PSTPIP1: variants seen among roughly 807,000 people sequenced by gnomAD.
The protein encoded by PSTPIP1 is proline-serine-threonine phosphatase-interacting protein 1.
Under a neutral mutation model 69.6 loss-of-function variants are expected in PSTPIP1, and 66 were observed. That is an observed-to-expected ratio of 0.95 (90% CI 0.78 to 1.16). PSTPIP1 has a LOEUF of 1.16. Ranked by LOEUF, PSTPIP1 falls within the 50% of genes most tolerant of loss-of-function variation. The probability of loss-of-function intolerance (pLI) is 0.00; values close to 1 mark genes in which losing one functional copy is unlikely to be tolerated. For synonymous variants in PSTPIP1, 266 were observed against 222.7 expected (o/e 1.19, Z -1.73); for missense variants, 603 against 557.4 (o/e 1.08, Z -0.82).
intron 3 of PSTPIP1, among the ~76,000 whole-genome samples, chr15:77,023,032 G>A (rs78712904): frequency 0.01 from 1,587 of 152,370 alleles, 18 homozygotes; most frequent in African/African-American, 0.027. Context: ...AGTGCTGTAC[G>A]TTCAGGCAGG....
At position 76,995,469 on chromosome 15, in the gene PSTPIP1, CCTGGGCCAGCCCTGCCAGGA is replaced by C; in HGVS notation, c.-99_-80del. The C allele has an allele frequency of 6.3e-7, 1 of 1,589,556 alleles. No homozygotes were observed. Among genetic ancestry groups the C allele is most frequent in the Non-Finnish European group, 8.6e-7 (1 of 1,168,798 alleles). On this transcript the variant is annotated 5_prime_UTR_variant, in exon 1 of 15. Coordinates refer to ENST00000558012, the MANE Select transcript of PSTPIP1 (RefSeq NM_003978.5). ...AGACGGCGCCGGCCGGGAAGGGGGG[CCTGGGCCAGCCCTGCCAGGA>C]CTGGGACGCTGCTGCTGGCGCCTGG...
At position 77,031,486 on chromosome 15, in the gene PSTPIP1, GGAA is replaced by G. The variant is rs2076415653; in HGVS notation, c.741+211_741+213del. On this transcript the variant is annotated intron_variant, in intron 10 of 14. Coordinates refer to ENST00000558012, the MANE Select transcript of PSTPIP1 (RefSeq NM_003978.5). ...ACACAGGGCCATGGCTTCTCTGCCT[GGAA>G]GATGATGACTCTGTGGTTCCCCTGA... The G allele has an allele frequency of 1.3e-5, 6 of 474,992 alleles. No homozygotes were observed. The South Asian group carries it at 1.4e-4, about 11-fold the overall frequency. 29.4% of individuals were successfully genotyped at this position (474,992 alleles called of 1,614,324 possible).
At chr15:77,013,444 G>T (rs1342350601) in intron 1 of PSTPIP1, among the ~76,000 whole-genome samples, 1 of 152,164 alleles carries the variant, frequency 6.6e-6, no homozygotes, top group East Asian at 1.9e-4. Context: ...CTGTAAAGGG[G>T]AGAAACATCT....
At chr15:77,033,260 CCT>C (rs1177937427) in intron 12 of PSTPIP1, among the ~76,000 whole-genome samples, 4 of 152,208 alleles carry the variant, frequency 2.6e-5, no homozygotes, top group African/African-American at 9.7e-5. Flanking sequence ...AGCCTGGTGC[CCT>C]GTCAGGCTGC....
At chr15:77,003,799 A>C (rs1274841721) in intron 1 of PSTPIP1, among the ~76,000 whole-genome samples, 1 of 152,068 alleles carries the variant, frequency 6.6e-6, no homozygotes, top group Non-Finnish European at 1.5e-5. Context: ...GGTCGTCATC[A>C]CTTAAGATAA....
At chr15:77,020,877 G>GA (rs2076146140) in intron 3 of PSTPIP1, among the ~76,000 whole-genome samples, 1 of 142,406 alleles carries the variant, frequency 7.0e-6, no homozygotes, top group African/African-American at 2.5e-5. Flanking sequence ...GTGGGGGGGG[G>GA]GGGTGTGTGT....
At chr15:77,035,383 A>T in intron 12 of PSTPIP1, 125 bp from the exon 13 acceptor site, 1 of 1,001,090 alleles carries the variant, frequency 1.0e-6, no homozygotes, top group Non-Finnish European at 1.5e-6. Context: ...CCTGGAGGCT[A>T]GGGGCAGTCC....
intron 10 of PSTPIP1, 37 bp downstream of exon 10, chr15:77,031,315 GC>G (rs2076411584): frequency 1.3e-6 from 2 of 1,596,810 alleles, no homozygotes; most frequent in Middle Eastern, 1.7e-4. Context: ...GTAAGGTAGG[GC>G]AGCCTCTAGG....
intron 12 of PSTPIP1, among the ~76,000 whole-genome samples, chr15:77,034,037 T>TAGAG (rs139918038): frequency 1.5e-4 from 23 of 150,096 alleles, no homozygotes; most frequent in African/African-American, 4.4e-4. Flanking sequence ...CAGAGAGGAT[T>TAGAG]AGAGAGAGAG....
chr15:77,024,589 T>C (rs780159547), intron 3 of PSTPIP1, among the ~76,000 whole-genome samples: 1 of 152,188 alleles, frequency 6.6e-6, no homozygotes, highest in Non-Finnish European at 1.5e-5. Flanking sequence ...CCGTTTTAAA[T>C]ACTACAAGGG....
Position 77,027,738 on chromosome 15 carries a change from C to A in PSTPIP1, c.355-114C>A. 1 of 1,273,226 alleles carries A rather than the reference C, an allele frequency of 7.9e-7. No homozygotes were observed. Among genetic ancestry groups the A allele is most frequent in the Non-Finnish European group, 1.1e-6 (1 of 898,786 alleles). 78.9% of individuals were successfully genotyped at this position (1,273,226 alleles called of 1,614,324 possible). Reference sequence around the variant, plus strand: ...GGGAGGGAGGGCAGCCTGTCACCCTCTCTCCAGAGCCAGGAGAGGTGCTGC... The same window carrying A: ...GGGAGGGAGGGCAGCCTGTCACCCTATCTCCAGAGCCAGGAGAGGTGCTGC... On this transcript the variant is annotated intron_variant, in intron 5 of 14. Coordinates refer to ENST00000558012, the MANE Select transcript of PSTPIP1 (RefSeq NM_003978.5). This position sits in a 1 kb window ranked among gnomAD's most constrained non-coding sequence, Gnocchi z 4.3.
chr15:77,034,300 T>C (rs769151896), intron 12 of PSTPIP1, among the ~76,000 whole-genome samples: 3 of 152,146 alleles, frequency 2.0e-5, no homozygotes, highest in Non-Finnish European at 4.4e-5. Flanking sequence ...GCTTGCACCC[T>C]GTCCTTTGCT....
chr15:77,025,724 G>T, intron 5 of PSTPIP1, 120 bp downstream of exon 5: 3 of 684,100 alleles, frequency 4.4e-6, no homozygotes, highest in Non-Finnish European at 4.8e-6. Context: ...GTGGTGGTGG[G>T]ACAGCACTCC....
chr15:77,032,116 CAGA>C (rs902595067), intron 10 of PSTPIP1, among the ~76,000 whole-genome samples, 179 bp from the exon 11 acceptor site: 4 of 152,308 alleles, frequency 2.6e-5, no homozygotes, highest in South Asian at 2.1e-4. Flanking sequence ...GCCTTGCACA[CAGA>C]AGGTGTTCAG....
chr15:77,017,153 G>A (rs1161759888), intron 1 of PSTPIP1, among the ~76,000 whole-genome samples: 1 of 152,146 alleles, frequency 6.6e-6, no homozygotes, highest in Non-Finnish European at 1.5e-5. Flanking sequence ...GTGCCTGGGA[G>A]AGCTCAGGGG....
chr15:76,995,708 T>G (rs1458967175), intron 1 of PSTPIP1, 99 bp downstream of exon 1: 2 of 1,591,816 alleles, frequency 1.3e-6, no homozygotes, highest in Middle Eastern at 4.5e-4. Context: ...GAGGGGAGCT[T>G]TCTCATAAAA....
At chr15:77,028,736 A>T in intron 7 of PSTPIP1, 84 bp downstream of exon 7, 1 of 1,165,340 alleles carries the variant, frequency 8.6e-7, no homozygotes, top group East Asian at 2.9e-5. Context: ...AGACACCCCC[A>T]GGCAAGATCT....
At chr15:77,002,709 T>G (rs1342956483) in intron 1 of PSTPIP1, among the ~76,000 whole-genome samples, 1 of 152,230 alleles carries the variant, frequency 6.6e-6, no homozygotes, top group Non-Finnish European at 1.5e-5. Context: ...CTGCCAGGAT[T>G]TGCTGGCTGC....
intron 3 of PSTPIP1, among the ~76,000 whole-genome samples, chr15:77,022,814 G>A (rs981893016): frequency 2.0e-5 from 3 of 152,268 alleles, no homozygotes; most frequent in African/African-American, 7.2e-5. Context: ...CCTGGGGCAG[G>A]AAGGCCTGCA....
Sources: allele counts gnomAD v4.1 joint callset (sites outside exome capture counted in the v4.1 genomes callset), GRCh38; gene constraint gnomAD v4.1.1; non-coding constraint Gnocchi (gnomAD v3.1); transcripts MANE v1.5; gene names NCBI Gene and HGNC (gene_info 2026-07-23, HGNC 2026-07-21).